SYT1: variants seen among roughly 807,000 people sequenced by gnomAD.
The protein encoded by SYT1 is synaptotagmin-1.
A neutral mutation model predicts 44.8 loss-of-function variants in SYT1; 8 were observed. The observed-to-expected ratio is 0.18, with a 90% CI of 0.10 to 0.32. The LOEUF (loss-of-function observed/expected upper bound fraction) is 0.32, where lower values mean the gene tolerates loss of function less well. Ranked by LOEUF, SYT1 falls within the 10% of genes least tolerant of loss-of-function variation. The pLI, the probability that SYT1 is intolerant of heterozygous loss-of-function variation, is 1.00. For synonymous variants in SYT1, 154 were observed against 188.8 expected (o/e 0.82, Z 1.51); for missense variants, 286 against 509.3 (o/e 0.56, Z 4.22).
intron 1 of SYT1, among the ~76,000 whole-genome samples, chr12:78,942,966 C>G (rs916481354): frequency 6.6e-6 from 1 of 152,186 alleles, no homozygotes; most frequent in Non-Finnish European, 1.5e-5. Flanking sequence ...ATGAAATCAT[C>G]AGTAAAACTG....
chr12:79,004,530 T>G (rs1252634532), intron 2 of SYT1, among the ~76,000 whole-genome samples: 1 of 151,980 alleles, frequency 6.6e-6, no homozygotes, highest in African/African-American at 2.4e-5. Flanking sequence ...GTCAATAAAA[T>G]AGCTATTTTG....
chr12:78,978,598 C>A (rs1019011251), intron 2 of SYT1, among the ~76,000 whole-genome samples: 7 of 152,190 alleles, frequency 4.6e-5, no homozygotes, highest in Non-Finnish European at 4.4e-5. Flanking sequence ...CTCCTTTGGT[C>A]TAAGTCATTT....
At chr12:79,104,046 T>C (rs978420143) in intron 3 of SYT1, among the ~76,000 whole-genome samples, 1 of 152,270 alleles carries the variant, frequency 6.6e-6, no homozygotes, top group Non-Finnish European at 1.5e-5. Context: ...TTTTACAGTA[T>C]TATTATATGC....
chr12:79,222,007 T>C (rs138564966), intron 4 of SYT1, among the ~76,000 whole-genome samples: 4 of 152,240 alleles, frequency 2.6e-5, no homozygotes, highest in Non-Finnish European at 4.4e-5. Flanking sequence ...TCCCACAACT[T>C]TTGTTTGTCT....
chr12:79,387,113 ATC>A lies in SYT1; in HGVS notation c.928+33498_928+33499del, dbSNP rs1452732270. On this transcript the variant is annotated intron_variant, in intron 9 of 10. Transcript: ENST00000261205. ...TCTTAACCTGATTTTATCCTAATTT[ATC>A]TCTGTTTATCTTCATTTTCAGCATT... Among the ~76,000 whole-genome samples, 5 of 152,106 alleles carry A rather than the reference ATC, an allele frequency of 3.3e-5. No individual in the cohort carries two copies. In the East Asian group the frequency reaches 7.7e-4, roughly 23 times the overall value.
intron 4 of SYT1, among the ~76,000 whole-genome samples, chr12:79,246,806 G>A (rs143894210): frequency 0.011 from 1,731 of 152,294 alleles, 33 homozygotes; most frequent in African/African-American, 0.038. Flanking sequence ...GGCAATTATC[G>A]TTAATTCTAT....
chr12:79,161,666 C>T (rs1870957643), intron 3 of SYT1, among the ~76,000 whole-genome samples: 1 of 152,138 alleles, frequency 6.6e-6, no homozygotes, highest in South Asian at 2.1e-4. Flanking sequence ...TATTTTACAA[C>T]TGAAGAACAT....
At chr12:78,929,012 A>C (rs1297260521) in intron 1 of SYT1, among the ~76,000 whole-genome samples, 1 of 152,078 alleles carries the variant, frequency 6.6e-6, no homozygotes, top group Non-Finnish European at 1.5e-5. Flanking sequence ...GATGAAACTT[A>C]AGATTGTTAA....
At chr12:79,296,562 T>G (rs935892422) in intron 7 of SYT1, among the ~76,000 whole-genome samples, 7 of 152,150 alleles carry the variant, frequency 4.6e-5, no homozygotes, top group African/African-American at 1.4e-4. Flanking sequence ...ATTTCAAAGT[T>G]TGTGAAAATA....
At chr12:79,156,477 G>C (rs1433095665) in intron 3 of SYT1, among the ~76,000 whole-genome samples, 1 of 151,918 alleles carries the variant, frequency 6.6e-6, no homozygotes, top group African/African-American at 2.4e-5. Context: ...TGTTCTTGTT[G>C]TTGTTGTTGT....
At position 79,009,050 on chromosome 12, in the gene SYT1, C is replaced by T. The variant is rs55932817; in HGVS notation, c.-84+31119C>T. ...CATGATTGTTCCATTTAGTGGCCTT[C>T]CATCAAATTTAAAATATGAGTTGTT... On this transcript the variant is annotated intron_variant, in intron 2 of 10. Coordinates refer to ENST00000261205, the MANE Select transcript of SYT1 (RefSeq NM_005639.3). 2.8e-3 allele frequency among the ~76,000 whole-genome samples: 433 copies of T among 152,260 alleles called. 4 individuals are homozygous for T. The highest frequency in any genetic ancestry group is 5.0e-3 in the Non-Finnish European group (343 of 68,010).
At chr12:78,883,234 T>C (rs1874554394) in intron 1 of SYT1, among the ~76,000 whole-genome samples, 1 of 151,690 alleles carries the variant, frequency 6.6e-6, no homozygotes. Flanking sequence ...TCCTCTATGA[T>C]TGCAGGAACC....
intron 9 of SYT1, among the ~76,000 whole-genome samples, chr12:79,432,672 G>A (rs1435460281): frequency 6.6e-6 from 1 of 152,040 alleles, no homozygotes. Context: ...GGAGTGCAGT[G>A]GCACAATCTC....
At chr12:78,981,533 C>G (rs1869262572) in intron 2 of SYT1, among the ~76,000 whole-genome samples, 1 of 152,176 alleles carries the variant, frequency 6.6e-6, no homozygotes, top group African/African-American at 2.4e-5. Context: ...TGCATGCTAA[C>G]TCAGTGAGTG....
intron 2 of SYT1, among the ~76,000 whole-genome samples, chr12:78,997,785 G>A (rs1870477147): frequency 6.6e-6 from 1 of 152,016 alleles, no homozygotes; most frequent in Non-Finnish European, 1.5e-5. Flanking sequence ...GTGTCTAGCA[G>A]AGAACACTGC....
At chr12:79,342,048 G>A (rs1882400282) in intron 8 of SYT1, among the ~76,000 whole-genome samples, 1 of 152,102 alleles carries the variant, frequency 6.6e-6, no homozygotes, top group African/African-American at 2.4e-5. Context: ...GCGTGGCACA[G>A]TTAATGATAT....
chr12:79,057,173 C>G (rs186603065), intron 3 of SYT1, among the ~76,000 whole-genome samples: 1 of 152,094 alleles, frequency 6.6e-6, no homozygotes, highest in East Asian at 1.9e-4. Flanking sequence ...CTTTTCTATT[C>G]TGAAAGATGA....
chr12:79,412,140 T>C (rs909368955), intron 9 of SYT1, among the ~76,000 whole-genome samples: 4 of 152,088 alleles, frequency 2.6e-5, no homozygotes, highest in African/African-American at 9.7e-5. Flanking sequence ...ACCTTTTGAT[T>C]TGGGGTTTTA....
intron 2 of SYT1, among the ~76,000 whole-genome samples, chr12:79,000,433 T>A (rs1913623): frequency 0.21 from 31,090 of 151,504 alleles, 3,777 homozygotes; most frequent in African/African-American, 0.35. Flanking sequence ...AGCTGAGATT[T>A]CAGTTACAGG....
Sources: allele counts gnomAD v4.1 joint callset (sites outside exome capture counted in the v4.1 genomes callset), GRCh38; gene constraint gnomAD v4.1.1; transcripts MANE v1.5; gene names NCBI Gene and HGNC (gene_info 2026-07-23, HGNC 2026-07-21).